DEAF1: variants seen among roughly 807,000 people sequenced by gnomAD.
DEAF1 encodes the protein DEAF1 transcription factor.
DEAF1 carries 53 observed loss-of-function variants against 58.9 expected under a neutral mutation model. The observed-to-expected ratio is 0.90, with a 90% CI of 0.72 to 1.13. The LOEUF (loss-of-function observed/expected upper bound fraction) is 1.13, where lower values mean the gene tolerates loss of function less well. Among genes scored for constraint, DEAF1 ranks in the 50% most tolerant of loss-of-function variants. DEAF1 has a pLI of 0.00. For synonymous variants in DEAF1, 385 were observed against 340.4 expected (o/e 1.13, Z -1.44); for missense variants, 685 against 791.4 (o/e 0.87, Z 1.61).
intron 10 of DEAF1, among the ~76,000 whole-genome samples, chr11:656,162 T>C (rs1230251239): frequency 1.3e-5 from 2 of 148,694 alleles, no homozygotes; most frequent in East Asian, 4.0e-4. Context: ...GACAAACTTT[T>C]TTTTTTTTTT....
intron 11 of DEAF1, among the ~76,000 whole-genome samples, chr11:649,154 G>A (rs920201980): frequency 1.3e-5 from 2 of 152,246 alleles, no homozygotes; most frequent in Non-Finnish European, 1.5e-5. Flanking sequence ...GGGAGGCTGA[G>A]GCAGGAGAAT....
chr11:674,398 C>CT, intron 10 of DEAF1, 138 bp downstream of exon 10: 1 of 1,198,296 alleles, frequency 8.3e-7, no homozygotes, highest in Non-Finnish European at 1.2e-6. Context: ...GTAAATGACT[C>CT]TCCACAGCTC....
At chr11:685,082 C>CTTTTTTTTTTTTTTTTTTTTT in intron 5 of DEAF1, 119 bp from the exon 6 acceptor site, 1 of 296,136 alleles carries the variant, frequency 3.4e-6, no homozygotes, top group Non-Finnish European at 5.9e-6. Context: ...TATAAAAATT[C>CTTTTTTTTTTTTTTTTTTTTT]TTTTTTTTTT....
intron 1 of DEAF1, chr11:700,917 G>A (rs1226472921): frequency 3.6e-5 from 22 of 603,090 alleles, no homozygotes; most frequent in African/African-American, 3.1e-4. Context: ...TGGGGGCATC[G>A]TTGGGAGAGA....
chr11:686,778 GCCCT>G, intron 5 of DEAF1, 76 bp downstream of exon 5: 1 of 1,596,072 alleles, frequency 6.3e-7, no homozygotes. Context: ...CGTGGTCTGT[GCCCT>G]CCCTCTGGCT....
At chr11:665,724 A>T (rs1051970200) in intron 10 of DEAF1, among the ~76,000 whole-genome samples, 1 of 152,218 alleles carries the variant, frequency 6.6e-6, no homozygotes, top group Non-Finnish European at 1.5e-5. Context: ...GCCAGGTGAC[A>T]TAGCAGGGAC....
intron 5 of DEAF1, among the ~76,000 whole-genome samples, 161 bp downstream of exon 5, chr11:686,697 G>A (rs1343231105): frequency 6.6e-6 from 1 of 152,210 alleles, no homozygotes; most frequent in Admixed American, 6.5e-5. Flanking sequence ...ACTGAAACAT[G>A]AGAGGGTAAA....
chr11:658,514 A>G (rs7479341), intron 10 of DEAF1, among the ~76,000 whole-genome samples: 110,885 of 151,886 alleles, frequency 0.73, 41,017 homozygotes, highest in East Asian at 0.93. Flanking sequence ...GCGTTTCCGC[A>G]GCCAAGGACA....
chr11:675,739 G>A (rs888446734), intron 9 of DEAF1, among the ~76,000 whole-genome samples: 1 of 152,134 alleles, frequency 6.6e-6, no homozygotes, highest in Non-Finnish European at 1.5e-5. Context: ...AGAATCATTT[G>A]AACCTGGGAG....
intron 2 of DEAF1, chr11:689,520 T>C (rs1817003204): frequency 6.6e-6 from 1 of 152,088 alleles, no homozygotes; most frequent in South Asian, 2.1e-4. Flanking sequence ...TGACAACTGT[T>C]TCCTACATCT....
chr11:673,260 C>T (rs565020778), intron 10 of DEAF1, among the ~76,000 whole-genome samples: 1 of 152,292 alleles, frequency 6.6e-6, no homozygotes, highest in African/African-American at 2.4e-5. Flanking sequence ...GGCATGGTGG[C>T]TCACATCTGC....
intron 1 of DEAF1, among the ~76,000 whole-genome samples, chr11:702,277 C>T (rs1861533456): frequency 6.6e-6 from 1 of 152,258 alleles, no homozygotes; most frequent in African/African-American, 2.4e-5. Flanking sequence ...AGAGCTTGCC[C>T]CCCAGGGCGG....
chr11:701,384 T>C (rs1221543277), intron 1 of DEAF1, among the ~76,000 whole-genome samples: 10 of 144,392 alleles, frequency 6.9e-5, no homozygotes, highest in Non-Finnish European at 1.5e-4. Flanking sequence ...TGTTTTTTTT[T>C]GGTAGAGACG....
intron 6 of DEAF1, 23 bp downstream of exon 6, chr11:684,875 T>C: frequency 1.3e-6 from 2 of 1,550,850 alleles, no homozygotes; most frequent in Non-Finnish European, 1.7e-6. Flanking sequence ...AGTCATCCTG[T>C]TCCAGACACG....
At chr11:647,310 C>T (rs567622136) in intron 11 of DEAF1, among the ~76,000 whole-genome samples, 155 of 152,092 alleles carry the variant, frequency 1.0e-3, no homozygotes, top group African/African-American at 2.8e-3. Flanking sequence ...AAAAATTAGC[C>T]GGACGTGGTG....
At position 688,108 on chromosome 11, in the gene DEAF1, A is replaced by G; in HGVS notation, c.518-51T>C. 4 of 1,611,126 alleles carry G rather than the reference A, an allele frequency of 2.5e-6. No homozygotes were observed. The highest frequency in any genetic ancestry group is 2.5e-6 in the Non-Finnish European group (3 of 1,178,388). On this transcript the variant is annotated intron_variant, in intron 3 of 11. Coordinates refer to ENST00000382409, the MANE Select transcript of DEAF1 (RefSeq NM_021008.4). The surrounding 1 kb of genome is among the most constrained non-coding windows in gnomAD (Gnocchi z 4.3). ...TGAGAGGCCGGACACCGGGAAGCAT[A>G]GTACACTCTCATCTCAGACACCACC...
chr11:673,405 G>A (rs932258214), intron 10 of DEAF1, among the ~76,000 whole-genome samples: 5 of 152,188 alleles, frequency 3.3e-5, no homozygotes, highest in Middle Eastern at 3.4e-3. Flanking sequence ...GTGGGTGCCT[G>A]TAGTCCCAGC....
chr11:699,191 A>C (rs897161633), upstream of DEAF1: 3 of 468,936 alleles, frequency 6.4e-6, no homozygotes, highest in Middle Eastern at 5.5e-4. Flanking sequence ...GAAATCCCTC[A>C]CTTTGTCCCT....
chr11:706,640 G>C (rs1321763309), exon 1 of DEAF1: 2 of 152,842 alleles, frequency 1.3e-5, no homozygotes, highest in Non-Finnish European at 2.9e-5. Context: ...GAGAGCGCTG[G>C]TGGTAGGGAG....
Sources: allele counts gnomAD v4.1 joint callset (sites outside exome capture counted in the v4.1 genomes callset), GRCh38; gene constraint gnomAD v4.1.1; non-coding constraint Gnocchi (gnomAD v3.1); transcripts MANE v1.5; gene names NCBI Gene and HGNC (gene_info 2026-07-23, HGNC 2026-07-21).